Variants in ZNF544 observed in about 807,000 individuals in gnomAD.
The protein encoded by ZNF544 is zinc finger protein 544.
In ZNF544, 10 loss-of-function variants were observed where a neutral mutation model predicts 13.5. The ratio of observed to expected loss-of-function variants is 0.74; its 90% CI spans 0.46 to 1.25. The LOEUF (loss-of-function observed/expected upper bound fraction) is 1.25, where lower values mean the gene tolerates loss of function less well. ZNF544 is among the 50% of genes most tolerant of loss of function. The probability of loss-of-function intolerance (pLI) is 0.00; values close to 1 mark genes in which losing one functional copy is unlikely to be tolerated. For synonymous variants in ZNF544, 323 were observed against 300.5 expected (o/e 1.07, Z -0.77); for missense variants, 896 against 845.6 (o/e 1.06, Z -0.74).
chr19:58,273,130 A>G lies in ZNF544; in HGVS notation c.245-3193A>G, dbSNP rs1409149911. Among the ~76,000 whole-genome samples the G allele has an allele frequency of 5.9e-5, 9 of 151,386 alleles. 2 individuals are homozygous for G. The South Asian group carries it at 1.5e-3, about 25-fold the overall frequency. ...CAGGAGGCGGAGGTTGCAGTAAGCC[A>G]AGATCGCACCATTGTACTCCAGCCT... On this transcript the variant is annotated intron_variant, in intron 5 of 6. Transcript: ENST00000595981.
rs953559965 is a variant in ZNF544, at chr19:58,263,336, CTG to C, written c.*584_*585del. 1.2e-6 allele frequency: 1 copy of C among 859,744 alleles called. No individual in the cohort carries two copies. Among genetic ancestry groups the C allele is most frequent in the Non-Finnish European group, 1.4e-6 (1 of 715,116 alleles). 53.3% of individuals were successfully genotyped at this position (859,744 alleles called of 1,614,324 possible). ...ATTAGCCTAGCATGGTGGCGCATACCTGTAGTCCTAGCTACTCAGGAGGCTGA... is the reference window on the plus strand; with the variant it reads ...ATTAGCCTAGCATGGTGGCGCATACCTAGTCCTAGCTACTCAGGAGGCTGA... On this transcript the variant is annotated 3_prime_UTR_variant, in exon 7 of 7. Transcript: ENST00000687789.
At chr19:58,228,993 C>T (rs2040522934) in intron 1 of ZNF544, 47 bp downstream of exon 1, 1 of 152,364 alleles carries the variant, frequency 6.6e-6, no homozygotes, top group South Asian at 2.1e-4. Flanking sequence ...CACTGTTAGC[C>T]GGGTGCGGCC....
At chr19:58,241,878 C>T (rs1048143730) in intron 3 of ZNF544, among the ~76,000 whole-genome samples, 4 of 151,848 alleles carry the variant, frequency 2.6e-5, no homozygotes, top group South Asian at 2.1e-4. Flanking sequence ...CTTGGCATTG[C>T]GTTGTCTTTG....
At chr19:58,255,231 A>G (rs895653636) in intron 6 of ZNF544, among the ~76,000 whole-genome samples, 2 of 149,966 alleles carry the variant, frequency 1.3e-5, no homozygotes, top group African/African-American at 4.9e-5. Context: ...GCTGGAGTGC[A>G]GTGGCATGAT....
Position 58,262,726 on chromosome 19 carries a change from G to A in ZNF544, c.2120G>A (p.Arg707Gln), listed in dbSNP as rs199758711. Residue 707 changes from arginine to glutamine, a missense_variant, in exon 7 of 7, where the codon CGG (arginine) becomes CAG (glutamine). Physicochemically the swap from Arg to Gln is conservative, Grantham distance 43. Transcript: ENST00000687789. ...CAGCAATCTCAACTTGTAGTGCATC[G>A]GCGGACACATACTGGAGAGAAACCT... ...FRQQSQLVVHRRTHTGEKP is the reference protein window; with the variant it reads ...FRQQSQLVVHQRTHTGEKP 50 of 1,606,086 alleles carry A rather than the reference G, an allele frequency of 3.1e-5. No individual in the cohort carries two copies. The highest frequency in any genetic ancestry group is 2.5e-4 in the East Asian group (11 of 44,686).
intron 3 of ZNF544, among the ~76,000 whole-genome samples, chr19:58,241,097 A>T (rs1381946469): frequency 7.0e-6 from 1 of 142,482 alleles, no homozygotes; most frequent in Non-Finnish European, 1.5e-5. Context: ...TCAGTCTCTC[A>T]AGAACTTGGG....
At chr19:58,271,831 G>C (rs577971156) in intron 5 of ZNF544, among the ~76,000 whole-genome samples, 2 of 152,022 alleles carry the variant, frequency 1.3e-5, no homozygotes, top group Admixed American at 6.6e-5. Context: ...CTTTTGATTC[G>C]GTGTCTCTGT....
At chr19:58,244,212 C>T (rs1224769268) in intron 4 of ZNF544, among the ~76,000 whole-genome samples, 156 bp downstream of exon 4, 1 of 151,978 alleles carries the variant, frequency 6.6e-6, no homozygotes, top group East Asian at 1.9e-4. Context: ...CAGTAAAGCG[C>T]GGCACCCGTC....
rs573712223 is a variant in ZNF544 at position 58,262,216 on chromosome 19, C to T, written c.1610C>T (p.Thr537Met). Reference protein sequence around the residue: ...KSFSQSSKLITHQRIHTGEKP... With the variant: ...KSFSQSSKLIMHQRIHTGEKP... The stretch of plus-strand genomic sequence containing the variant: ...TTCTCCCAGAGTTCCAAACTTATTA[C>T]GCATCAGCGAATTCACACTGGAGAA... The change falls in exon 7 of 7, where the codon ACG (threonine) becomes ATG (methionine). Residue 537 changes from threonine (T) to methionine (M), a missense_variant. Thr to Met is a moderately conservative substitution (Grantham distance 81). Coordinates refer to ENST00000687789, the MANE Select transcript of ZNF544 (RefSeq NM_014480.4). The T allele has an allele frequency of 1.5e-5, 24 of 1,613,706 alleles. No individual in the cohort carries two copies. The East Asian group carries it at 2.9e-4, about 19-fold the overall frequency.
At chr19:58,276,362 T>A (rs1056620102) in exon 6 of ZNF544, 4 of 1,231,580 alleles carry the variant, frequency 3.2e-6, no homozygotes, top group African/African-American at 1.6e-5. Context: ...GGACTCCCAA[T>A]AGAAGACAGA....
chr19:58,262,563 A>G lies in ZNF544; in HGVS notation c.1957A>G (p.Thr653Ala). The G allele has an allele frequency of 6.2e-7, 1 of 1,614,166 alleles. No individual in the cohort carries two copies. The change falls in exon 7 of 7, where the codon ACT becomes GCT. Residue 653 changes from threonine to alanine, a missense_variant. By Grantham distance (58) the Thr-to-Ala change is moderately conservative (BLOSUM62 0). Coordinates refer to ENST00000687789, the MANE Select transcript of ZNF544 (RefSeq NM_014480.4). ...RSSYLVMHQR[T>A]HTGEKPFECS... Reference sequence around the variant, plus strand: ...CTCCTACCTTGTGATGCATCAGAGAACTCACACTGGTGAGAAACCTTTTGA... The same window carrying G: ...CTCCTACCTTGTGATGCATCAGAGAGCTCACACTGGTGAGAAACCTTTTGA...
intron 1 of ZNF544, 149 bp downstream of exon 1, chr19:58,229,095 C>G (rs1024986704): frequency 6.6e-6 from 1 of 152,522 alleles, no homozygotes; most frequent in East Asian, 1.9e-4. Context: ...GCGGCGAGGC[C>G]GAGCAAGGGC....
At chr19:58,249,197 C>G (rs181488167) in intron 6 of ZNF544, among the ~76,000 whole-genome samples, 97 of 152,236 alleles carry the variant, frequency 6.4e-4, no homozygotes, top group African/African-American at 2.3e-3. Flanking sequence ...GCCTCCATAC[C>G]CTGTTCTCAT....
At chr19:58,270,044 TA>T (rs983620326) in intron 5 of ZNF544, among the ~76,000 whole-genome samples, 5 of 151,368 alleles carry the variant, frequency 3.3e-5, no homozygotes, top group Middle Eastern at 3.4e-3. Flanking sequence ...ACCCATAACT[TA>T]AAAAAAAAGG....
chr19:58,234,167 G>C (rs904272891), intron 3 of ZNF544, among the ~76,000 whole-genome samples: 3 of 152,162 alleles, frequency 2.0e-5, no homozygotes, highest in Admixed American at 1.3e-4. Flanking sequence ...CTCTCTCTCT[G>C]AGATAGAATC....
At chr19:58,270,045 A>T (rs548923409) in intron 5 of ZNF544, among the ~76,000 whole-genome samples, 21 of 151,766 alleles carry the variant, frequency 1.4e-4, no homozygotes, top group Non-Finnish European at 2.4e-4. Flanking sequence ...CCCATAACTT[A>T]AAAAAAAAGG....
At position 58,263,056 on chromosome 19, in the gene ZNF544, A is replaced by G; in HGVS notation, c.*302A>G. ...GGTGTCAACTTACTAGGCAGCAGAGAATTCATACTGGAGAGAAGCCCTGTG... is the reference window on the plus strand; with the variant it reads ...GGTGTCAACTTACTAGGCAGCAGAGGATTCATACTGGAGAGAAGCCCTGTG... On this transcript the variant is annotated 3_prime_UTR_variant, in exon 7 of 7. Transcript: ENST00000687789. 1 of 1,124,936 alleles carries G rather than the reference A, an allele frequency of 8.9e-7. No individual in the cohort carries two copies. The allele number at this position is 1,124,936 out of a possible 1,614,324, so 69.7% of individuals were successfully genotyped here.
At chr19:58,276,162 G>C (rs1255237684) in intron 5 of ZNF544, among the ~76,000 whole-genome samples, 1 of 152,090 alleles carries the variant, frequency 6.6e-6, no homozygotes, top group Admixed American at 6.6e-5. Flanking sequence ...GGACAACAGA[G>C]TGAGACCCTG....
chr19:58,248,401 G>A (rs141662552), intron 6 of ZNF544, among the ~76,000 whole-genome samples: 83 of 148,446 alleles, frequency 5.6e-4, no homozygotes, highest in South Asian at 6.3e-4. Flanking sequence ...CCTGGCTAAT[G>A]TAAAAATTTT....
Sources: allele counts gnomAD v4.1 joint callset (sites outside exome capture counted in the v4.1 genomes callset), GRCh38; gene constraint gnomAD v4.1.1; transcripts MANE v1.5; gene names NCBI Gene and HGNC (gene_info 2026-07-23, HGNC 2026-07-21).